Variants in CTNND2 observed in about 807,000 individuals in gnomAD.
CTNND2 encodes catenin delta 2.
In CTNND2, 22 loss-of-function variants were observed where a neutral mutation model predicts 144.4. The observed-to-expected ratio is 0.15, with a 90% CI of 0.11 to 0.22. CTNND2 has a LOEUF of 0.22. Ranked by LOEUF, CTNND2 falls within the 10% of genes least tolerant of loss-of-function variation. The pLI is 1.00. For synonymous variants in CTNND2, 751 were observed against 695.6 expected, an observed-to-expected ratio of 1.08 and a Z score of -1.25; for missense variants, 1,353 against 1,618.8, an observed-to-expected ratio of 0.84 and a Z score of 2.82.
chr5:11,774,641 T>C (rs1790151823), intron 1 of CTNND2, among the ~76,000 whole-genome samples: 1 of 152,110 alleles, frequency 6.6e-6, no homozygotes, highest in Non-Finnish European at 1.5e-5. Flanking sequence ...AGTCACATTT[T>C]CGCTTGCAAT....
chr5:11,033,243 C>CA (rs1258940241), intron 16 of CTNND2, among the ~76,000 whole-genome samples: 2 of 152,030 alleles, frequency 1.3e-5, no homozygotes, highest in Admixed American at 1.3e-4. Flanking sequence ...ACAAGGATTA[C>CA]AAAAAAATAG....
chr5:11,363,332 G>A (rs1369106459), intron 8 of CTNND2, among the ~76,000 whole-genome samples: 1 of 152,138 alleles, frequency 6.6e-6, no homozygotes, highest in Non-Finnish European at 1.5e-5. Flanking sequence ...ATGGAATAGA[G>A]AATCAACATA....
intron 20 of CTNND2, chr5:10,986,522 G>A (rs1737978037): frequency 2.3e-6 from 1 of 426,956 alleles, no homozygotes; most frequent in Non-Finnish European, 4.7e-6. Context: ...GTACAAATGG[G>A]ATCCTCTGCC....
intron 9 of CTNND2, among the ~76,000 whole-genome samples, chr5:11,305,483 T>G (rs562845631): frequency 1.3e-5 from 2 of 152,330 alleles, no homozygotes; most frequent in African/African-American, 4.8e-5. Context: ...CCATGTGCCC[T>G]CACTGATGTA....
rs78944977 is a variant in CTNND2 at position 11,475,202 on chromosome 5, A to T, written c.288-63133T>A. Among the ~76,000 whole-genome samples, 632 of 152,354 alleles carry T rather than the reference A, an allele frequency of 4.1e-3. 3 individuals carry two copies. Among genetic ancestry groups the T allele is most frequent in the Non-Finnish European group, 6.5e-3 (440 of 68,040 alleles). The stretch of plus-strand genomic sequence containing the variant: ...TGAATATTGGCAGAAAGTGAGAGAA[A>T]TTAGAATTGATGATGGTTGTATTTG... On this transcript the variant is annotated intron_variant, in intron 3 of 21. Transcript: ENST00000304623.
chr5:11,343,504 C>T (rs1754465492), intron 9 of CTNND2, among the ~76,000 whole-genome samples: 1 of 152,158 alleles, frequency 6.6e-6, no homozygotes, highest in South Asian at 2.1e-4. Flanking sequence ...GATACTGGTA[C>T]TGCCATTCAT....
At chr5:11,152,586 C>T (rs115199292) in intron 12 of CTNND2, among the ~76,000 whole-genome samples, 1 of 152,278 alleles carries the variant, frequency 6.6e-6, no homozygotes, top group African/African-American at 2.4e-5. Flanking sequence ...TAAAGCACAC[C>T]TCCTTCTGAC....
At chr5:11,502,299 C>T (rs1163571461) in intron 3 of CTNND2, among the ~76,000 whole-genome samples, 1 of 152,152 alleles carries the variant, frequency 6.6e-6, no homozygotes, top group Non-Finnish European at 1.5e-5. Flanking sequence ...TTTCTAGGTA[C>T]TGACTGTATA....
chr5:11,584,368 T>C (rs1481838445), intron 2 of CTNND2, among the ~76,000 whole-genome samples: 1 of 149,064 alleles, frequency 6.7e-6, no homozygotes, highest in Non-Finnish European at 1.5e-5. Flanking sequence ...AATTAGACAG[T>C]TGACCAACAC....
At chr5:11,444,949 C>T (rs915071548) in intron 3 of CTNND2, among the ~76,000 whole-genome samples, 1 of 152,146 alleles carries the variant, frequency 6.6e-6, no homozygotes, top group African/African-American at 2.4e-5. Context: ...CCCATTCAGG[C>T]CCGAGTGAGT....
Position 11,039,824 on chromosome 5 carries a change from G to A in CTNND2, c.2789-16845C>T, listed in dbSNP as rs189136158. On this transcript the variant is annotated intron_variant, in intron 16 of 21. Transcript: ENST00000304623. ...CACCTGTAATCCCAGCACTTTGGGA[G>A]GCCGAGGCTGGTAGATTGCATGAGG... Among the ~76,000 whole-genome samples the A allele has an allele frequency of 1.2e-3, 184 of 152,244 alleles. 1 individual carries two copies. The highest frequency in any genetic ancestry group is 6.8e-3 in the Middle Eastern group (2 of 294).
chr5:11,706,686 A>G (rs948590123), intron 2 of CTNND2, among the ~76,000 whole-genome samples: 15 of 152,162 alleles, frequency 9.9e-5, no homozygotes, highest in African/African-American at 3.6e-4. Flanking sequence ...CTCTTGTGTC[A>G]GTCTCCTTTC....
chr5:11,106,969 C>T (rs1473138738), intron 14 of CTNND2, among the ~76,000 whole-genome samples: 1 of 152,140 alleles, frequency 6.6e-6, no homozygotes, highest in Admixed American at 6.5e-5. Flanking sequence ...GGGAGGAAGG[C>T]AGCACCCTGA....
At chr5:11,619,662 T>C (rs1025272768) in intron 2 of CTNND2, among the ~76,000 whole-genome samples, 5 of 152,192 alleles carry the variant, frequency 3.3e-5, no homozygotes, top group Non-Finnish European at 7.3e-5. Context: ...GAAGTTTAGA[T>C]AAACATTCCA....
intron 12 of CTNND2, among the ~76,000 whole-genome samples, chr5:11,130,675 G>A (rs372779955): frequency 7.2e-5 from 11 of 152,090 alleles, no homozygotes; most frequent in African/African-American, 2.7e-4. Flanking sequence ...CTCACGTGCC[G>A]CTCACAGTTG....
At chr5:11,360,297 A>G (rs931038599) in intron 8 of CTNND2, among the ~76,000 whole-genome samples, 1 of 152,162 alleles carries the variant, frequency 6.6e-6, no homozygotes, top group African/African-American at 2.4e-5. Flanking sequence ...GAGATCTAAC[A>G]TATCTTATCT....
At chr5:11,090,879 G>C (rs759538794) in intron 15 of CTNND2, among the ~76,000 whole-genome samples, 1 of 151,580 alleles carries the variant, frequency 6.6e-6, no homozygotes, top group Non-Finnish European at 1.5e-5. Flanking sequence ...AGAAATCTGC[G>C]GTCTTCCTTA....
intron 3 of CTNND2, among the ~76,000 whole-genome samples, chr5:11,428,215 A>T (rs984845462): frequency 3.9e-5 from 6 of 152,198 alleles, no homozygotes; most frequent in Admixed American, 6.5e-5. Flanking sequence ...ACAAAGTCTG[A>T]CTATCAACAA....
chr5:11,722,367 C>T (rs1165695014), intron 2 of CTNND2, among the ~76,000 whole-genome samples: 1 of 152,128 alleles, frequency 6.6e-6, no homozygotes, highest in Non-Finnish European at 1.5e-5. Flanking sequence ...TACACAGTTG[C>T]AGGTAAGTAT....
Sources: gnomAD v4.1 joint callset for allele counts (sites outside exome capture counted in the v4.1 genomes callset) on GRCh38, gnomAD v4.1.1 for gene constraint, MANE v1.5 for transcripts, NCBI Gene and HGNC (gene_info 2026-07-23, HGNC 2026-07-21) for gene names.